GPR158: variants seen among roughly 807,000 people sequenced by gnomAD.
GPR158 encodes G protein-coupled receptor 158, also known as metabotropic glycine receptor.
In GPR158, 30 loss-of-function variants were observed where a neutral mutation model predicts 78.2. The observed-to-expected ratio is 0.38, with a 90% CI of 0.29 to 0.52. The LOEUF (loss-of-function observed/expected upper bound fraction) is 0.52, where lower values mean the gene tolerates loss of function less well. GPR158 is among the 20% of genes least tolerant of loss of function. The probability of loss-of-function intolerance (pLI) is 0.83; values close to 1 mark genes in which losing one functional copy is unlikely to be tolerated. For synonymous variants in GPR158, 581 were observed against 591.1 expected (o/e 0.98, Z 0.25); for missense variants, 1,463 against 1,523.5 (o/e 0.96, Z 0.66).
chr10:25,400,622 A>G (rs824598), intron 3 of GPR158, among the ~76,000 whole-genome samples: 83,617 of 152,070 alleles, frequency 0.55, 26,125 homozygotes, highest in Non-Finnish European at 0.73. Context: ...CTGATGTTTC[A>G]CTGTCTCTTC....
intron 2 of GPR158, among the ~76,000 whole-genome samples, chr10:25,318,718 T>C (rs552294603): frequency 6.6e-6 from 1 of 152,358 alleles, no homozygotes; most frequent in African/African-American, 2.4e-5. Flanking sequence ...TTTGTTCGTA[T>C]GATCACCATT....
chr10:25,435,480 T>C (rs1834986701), intron 4 of GPR158, among the ~76,000 whole-genome samples: 2 of 152,110 alleles, frequency 1.3e-5, no homozygotes, highest in African/African-American at 4.8e-5. Flanking sequence ...AAGAAAATTA[T>C]GTCTATGAAG....
intron 2 of GPR158, among the ~76,000 whole-genome samples, chr10:25,317,115 G>T (rs748554099): frequency 6.6e-6 from 1 of 151,538 alleles, no homozygotes; most frequent in Non-Finnish European, 1.5e-5. Flanking sequence ...CGTGATCTTG[G>T]CTCACTGCAA....
chr10:25,518,010 T>C (rs1361415651), intron 5 of GPR158, among the ~76,000 whole-genome samples: 1 of 94,436 alleles, frequency 1.1e-5, no homozygotes, highest in Non-Finnish European at 2.0e-5. Context: ...CCTGGACTCT[T>C]TTTGGTTGGT....
At chr10:25,294,825 G>A (rs576919942) in intron 2 of GPR158, among the ~76,000 whole-genome samples, 1 of 152,260 alleles carries the variant, frequency 6.6e-6, no homozygotes, top group East Asian at 1.9e-4. Flanking sequence ...TTAGACTGGG[G>A]CAAGACACTG....
At chr10:25,468,228 T>C (rs576890203) in intron 5 of GPR158, among the ~76,000 whole-genome samples, 35 of 152,242 alleles carry the variant, frequency 2.3e-4, no homozygotes, top group African/African-American at 8.4e-4. Flanking sequence ...TCTCTGCTCA[T>C]ATCTATCATG....
chr10:25,333,957 C>T (rs1307921004), intron 2 of GPR158, among the ~76,000 whole-genome samples: 1 of 152,054 alleles, frequency 6.6e-6, no homozygotes, highest in East Asian at 1.9e-4. Flanking sequence ...TGACAGTGTT[C>T]CTCAGATATT....
intron 3 of GPR158, among the ~76,000 whole-genome samples, chr10:25,407,939 C>T (rs1307932022): frequency 1.3e-5 from 2 of 152,258 alleles, no homozygotes; most frequent in Admixed American, 1.3e-4. Flanking sequence ...AACCCTAATC[C>T]TGCAAAAACT....
chr10:25,175,385 C>T lies in GPR158; in HGVS notation c.-36C>T. 7.7e-7 allele frequency: 1 copy of T among 1,292,462 alleles called. No homozygotes were observed. Among genetic ancestry groups the T allele is most frequent in the Non-Finnish European group, 1.1e-6 (1 of 931,528 alleles). The allele number at this position is 1,292,462 out of a possible 1,614,324, so 80.1% of individuals were successfully genotyped here. On this transcript the variant is annotated 5_prime_UTR_variant, in exon 1 of 11. Coordinates refer to ENST00000376351, the MANE Select transcript of GPR158 (RefSeq NM_020752.3). The surrounding 1 kb of genome is among the most constrained non-coding windows in gnomAD (Gnocchi z 6.4). ...ATCCAAATTTAAAAAGTGATTCCCC[C>T]CCCTCCCGTTCCCTCCTCTTCTCTC...
chr10:25,572,029 T>C (rs1327846568), intron 6 of GPR158, among the ~76,000 whole-genome samples: 2 of 152,192 alleles, frequency 1.3e-5, no homozygotes, highest in Non-Finnish European at 2.9e-5. Context: ...CATTCTACTA[T>C]AAAAACAACT....
At chr10:25,217,409 C>G (rs552818079) in intron 1 of GPR158, among the ~76,000 whole-genome samples, 1 of 152,084 alleles carries the variant, frequency 6.6e-6, no homozygotes, top group East Asian at 1.9e-4. Flanking sequence ...CAGTTACCAC[C>G]GAAAGACCTA....
intron 5 of GPR158, among the ~76,000 whole-genome samples, chr10:25,540,478 AAG>A: frequency 6.6e-6 from 1 of 152,228 alleles, no homozygotes; most frequent in Admixed American, 6.5e-5. Context: ...CGCTGCTGTA[AAG>A]ACACATGCAT....
At chr10:25,431,298 A>G (rs1834900908) in intron 4 of GPR158, among the ~76,000 whole-genome samples, 3 of 143,036 alleles carry the variant, frequency 2.1e-5, no homozygotes, top group Non-Finnish European at 4.6e-5. Context: ...GCAAATCAAA[A>G]CCACAATGAG....
chr10:25,315,129 A>G (rs992483145), intron 2 of GPR158, among the ~76,000 whole-genome samples: 1 of 152,004 alleles, frequency 6.6e-6, no homozygotes, highest in African/African-American at 2.4e-5. Flanking sequence ...AAAGTTTGAT[A>G]TATATCCATA....
intron 2 of GPR158, among the ~76,000 whole-genome samples, chr10:25,354,355 CA>C (rs34409947): frequency 0.12 from 13,749 of 111,202 alleles, 1,557 homozygotes; most frequent in African/African-American, 0.32. Context: ...AACTCAGTCT[CA>C]AAAAAAAAAA....
intron 2 of GPR158, among the ~76,000 whole-genome samples, chr10:25,292,613 T>C (rs1854455532): frequency 1.3e-5 from 2 of 152,048 alleles, no homozygotes; most frequent in Admixed American, 1.3e-4. Context: ...CTAAATTTAG[T>C]ATAATGACCT....
intron 5 of GPR158, among the ~76,000 whole-genome samples, chr10:25,536,406 G>A (rs1588902838): frequency 6.6e-6 from 1 of 152,130 alleles, no homozygotes; most frequent in African/African-American, 2.4e-5. Flanking sequence ...TATTTGGCCA[G>A]TAATGAAAAC....
intron 7 of GPR158, among the ~76,000 whole-genome samples, chr10:25,586,387 G>A (rs1287417947): frequency 7.2e-6 from 1 of 138,164 alleles, no homozygotes; most frequent in Non-Finnish European, 1.5e-5. Context: ...GTAGGTATGT[G>A]TGAATTTTTT....
At chr10:25,492,668 C>T (rs1408986944) in intron 5 of GPR158, among the ~76,000 whole-genome samples, 4 of 151,842 alleles carry the variant, frequency 2.6e-5, no homozygotes, top group South Asian at 2.1e-4. Flanking sequence ...TTAATGTGAA[C>T]GTGGTCCATG....
Sources: allele counts gnomAD v4.1 joint callset (sites outside exome capture counted in the v4.1 genomes callset), GRCh38; gene constraint gnomAD v4.1.1; non-coding constraint Gnocchi (gnomAD v3.1); transcripts MANE v1.5; gene names NCBI Gene and HGNC (gene_info 2026-07-23, HGNC 2026-07-21).